The following PRTFDC1 variants were observed in gnomAD, a reference collection of about 807,000 sequenced individuals.
PRTFDC1 encodes phosphoribosyltransferase domain-containing protein 1.
In PRTFDC1, 38 loss-of-function variants were observed where a neutral mutation model predicts 34.6. The ratio of observed to expected loss-of-function variants is 1.10; its 90% CI spans 0.85 to 1.44. The LOEUF (loss-of-function observed/expected upper bound fraction) is 1.44. Among genes scored for constraint, PRTFDC1 ranks in the 40% most tolerant of loss-of-function variants. PRTFDC1 has a pLI of 0.00. For synonymous variants in PRTFDC1, 93 were observed against 98.1 expected (o/e 0.95, Z 0.31); for missense variants, 270 against 283.0 (o/e 0.95, Z 0.33).
intron 1 of PRTFDC1, among the ~76,000 whole-genome samples, chr10:24,949,523 G>A (rs184315867): frequency 2.3e-4 from 35 of 152,204 alleles, no homozygotes; most frequent in Admixed American, 1.8e-3. Context: ...TCTACCAGCA[G>A]CTTCGATTCG....
intron 3 of PRTFDC1, among the ~76,000 whole-genome samples, chr10:24,934,414 GGAA>G (rs1378500508): frequency 1.3e-5 from 2 of 152,126 alleles, no homozygotes; most frequent in Admixed American, 1.3e-4. Context: ...GGCCACGATG[GGAA>G]GAAGAAGCCA....
intron 2 of PRTFDC1, 121 bp from the exon 3 acceptor site, chr10:24,937,488 G>T: frequency 2.3e-6 from 2 of 886,210 alleles, no homozygotes; most frequent in East Asian, 2.9e-5. Context: ...GGAAAACCTT[G>T]GGAAACAGAA....
chr10:24,922,146 A>G (rs1848801130), intron 3 of PRTFDC1, among the ~76,000 whole-genome samples: 1 of 152,244 alleles, frequency 6.6e-6, no homozygotes, highest in Non-Finnish European at 1.5e-5. Context: ...GTAATCTCAA[A>G]AAGATTTTCC....
chr10:24,952,299 C>CG lies in PRTFDC1; in HGVS notation c.48+228dup, dbSNP rs1222329471. On this transcript the variant is annotated intron_variant, in intron 1 of 8. Transcript: ENST00000320152. The surrounding 1 kb of genome is among the most constrained non-coding windows in gnomAD (Gnocchi z 5.1). ...GGAGCGAGCTACCGGCCGGAGGACA[C>CG]GGGGGGACGCTGGGAACTCGGGGTG... Among the ~76,000 whole-genome samples, 1 of 151,718 alleles carries CG rather than the reference C, an allele frequency of 6.6e-6. No homozygotes were observed. Among genetic ancestry groups the CG allele is most frequent in the Non-Finnish European group, 1.5e-5 (1 of 67,938 alleles).
At chr10:24,854,296 T>C (rs923493801) in intron 7 of PRTFDC1, among the ~76,000 whole-genome samples, 2 of 152,208 alleles carry the variant, frequency 1.3e-5, no homozygotes, top group African/African-American at 4.8e-5. Flanking sequence ...ATCCAGATTA[T>C]ACCTTTGATA....
intron 3 of PRTFDC1, among the ~76,000 whole-genome samples, chr10:24,879,430 G>A (rs1365750993): frequency 6.6e-6 from 1 of 151,648 alleles, no homozygotes; most frequent in Non-Finnish European, 1.5e-5. Context: ...TGCAACCTCC[G>A]CCTCCCGGGA....
intron 3 of PRTFDC1, among the ~76,000 whole-genome samples, chr10:24,901,995 G>C (rs771540124): frequency 1.3e-5 from 2 of 152,168 alleles, no homozygotes; most frequent in Non-Finnish European, 2.9e-5. Context: ...TCTAAGGCGT[G>C]GTTGGTTGTT....
At chr10:24,948,296 A>G (rs926188638) in intron 1 of PRTFDC1, among the ~76,000 whole-genome samples, 1 of 152,136 alleles carries the variant, frequency 6.6e-6, no homozygotes, top group Non-Finnish European at 1.5e-5. Context: ...AAAAACAAAC[A>G]AACAAAAACA....
chr10:24,855,968 G>C (rs1847566577), intron 6 of PRTFDC1, among the ~76,000 whole-genome samples: 1 of 150,848 alleles, frequency 6.6e-6, no homozygotes, highest in African/African-American at 2.4e-5. Context: ...ACAAAAATTG[G>C]CTGGGCATGG....
intron 4 of PRTFDC1, among the ~76,000 whole-genome samples, chr10:24,862,747 T>C (rs564252163): frequency 3.9e-5 from 6 of 152,152 alleles, no homozygotes; most frequent in Non-Finnish European, 7.4e-5. Flanking sequence ...ATTGGTGTCA[T>C]TTTTCTGACA....
chr10:24,902,311 C>T (rs1190108258), intron 3 of PRTFDC1, among the ~76,000 whole-genome samples: 2 of 152,036 alleles, frequency 1.3e-5, no homozygotes, highest in Non-Finnish European at 2.9e-5. Flanking sequence ...GAGCTGTGGA[C>T]GGATGCCAAT....
At chr10:24,862,669 G>T (rs996431575) in intron 4 of PRTFDC1, among the ~76,000 whole-genome samples, 10 of 150,766 alleles carry the variant, frequency 6.6e-5, no homozygotes, top group African/African-American at 9.8e-5. Flanking sequence ...AGAGACTGTG[G>T]TTTTTTTTTG....
intron 1 of PRTFDC1, chr10:24,951,679 A>C: frequency 1.1e-6 from 1 of 905,552 alleles, no homozygotes; most frequent in Non-Finnish European, 1.3e-6. Context: ...AACCTGACAC[A>C]AGTTATAACC....
At chr10:24,913,630 A>T (rs1848657630) in intron 3 of PRTFDC1, among the ~76,000 whole-genome samples, 1 of 152,228 alleles carries the variant, frequency 6.6e-6, no homozygotes, top group South Asian at 2.1e-4. Flanking sequence ...AATCCTTTCA[A>T]GTTAATCTCA....
At chr10:24,856,350 G>A (rs1847576096) in intron 6 of PRTFDC1, among the ~76,000 whole-genome samples, 1 of 151,720 alleles carries the variant, frequency 6.6e-6, no homozygotes, top group Non-Finnish European at 1.5e-5. Flanking sequence ...ACTTTGGGAG[G>A]CTGAGGCAGG....
chr10:24,892,697 G>A (rs953110008), intron 3 of PRTFDC1, among the ~76,000 whole-genome samples: 9 of 152,016 alleles, frequency 5.9e-5, no homozygotes, highest in African/African-American at 9.7e-5. Context: ...CAAATTGTGC[G>A]TATGATAAAT....
In PRTFDC1 at chr10:24,880,279, G is replaced by C. The variant is rs367662723; in HGVS notation, c.340-8216C>G. 2.7e-5 allele frequency among the ~76,000 whole-genome samples: 4 copies of C among 149,544 alleles called. No homozygotes were observed. The East Asian group carries it at 5.8e-4, about 22-fold the overall frequency. On this transcript the variant is annotated intron_variant, in intron 3 of 8. Coordinates refer to ENST00000320152, the MANE Select transcript of PRTFDC1 (RefSeq NM_020200.7). ...TTCTTTTTTTTTTTGTTGAGACAGA[G>C]TCTTGCACTATTGCCCAGGCTGGAG... is the stretch of plus-strand genomic sequence containing the variant.
In PRTFDC1 at chr10:24,857,089, G is replaced by A. The variant is rs560781523; in HGVS notation, c.424-94C>T. 104 of 1,074,458 alleles carry A rather than the reference G, an allele frequency of 9.7e-5. No individual in the cohort carries two copies. In the Admixed American group the frequency reaches 1.1e-3, roughly 12 times the overall value. 66.6% of individuals were successfully genotyped at this position (1,074,458 alleles called of 1,614,324 possible). ...AGATACTCCTGATTAATAATGCATC[G>A]TAATTAAAAATGCCATCCAATTTGG... On this transcript the variant is annotated intron_variant, in intron 5 of 8. Transcript: ENST00000320152.
At chr10:24,948,121 A>C (rs967648617) in intron 1 of PRTFDC1, among the ~76,000 whole-genome samples, 3 of 147,800 alleles carry the variant, frequency 2.0e-5, no homozygotes, top group African/African-American at 7.3e-5. Context: ...CTGATTACTT[A>C]TCTCTGATAC....
Sources: gnomAD v4.1 joint callset for allele counts (sites outside exome capture counted in the v4.1 genomes callset) on GRCh38, gnomAD v4.1.1 for gene constraint, Gnocchi (gnomAD v3.1) non-coding constraint, MANE v1.5 for transcripts, NCBI Gene and HGNC (gene_info 2026-07-23, HGNC 2026-07-21) for gene names.